FAM107B: variants seen among roughly 807,000 people sequenced by gnomAD.
FAM107B encodes the protein protein FAM107B.
In FAM107B, 21 loss-of-function variants were observed where a neutral mutation model predicts 31.5. The observed-to-expected ratio is 0.67, with a 90% CI of 0.47 to 0.96. The LOEUF (loss-of-function observed/expected upper bound fraction) is 0.96. Among genes scored for constraint, FAM107B ranks in the 40% least tolerant of loss-of-function variants. FAM107B has a pLI of 0.00. For missense variants in FAM107B, 452 were observed against 377.1 expected, an observed-to-expected ratio of 1.20 and a Z score of -1.64; for synonymous variants, 157 against 141.5, an observed-to-expected ratio of 1.11 and a Z score of -0.78.
chr10:14,566,294 G>A (rs1176978359), intron 2 of FAM107B, among the ~76,000 whole-genome samples: 1 of 152,182 alleles, frequency 6.6e-6, no homozygotes, highest in Non-Finnish European at 1.5e-5. Context: ...CTGTTCACCT[G>A]TCACCTGCTT....
At position 14,627,794 on chromosome 10, in the gene FAM107B, GAGTAGA is replaced by G. The variant is rs376982064; in HGVS notation, c.469+39834_469+39839del. ...TCTCTATAAAAAGAAAAAAAAATCA[GAGTAGA>G]AATAAGCATTTAACAGATTGGTTGA... On this transcript the variant is annotated intron_variant, in intron 2 of 4. Transcript: ENST00000181796. Among the ~76,000 whole-genome samples the G allele has an allele frequency of 7.2e-3, 1,100 of 152,134 alleles. 8 individuals are homozygous for G. Among genetic ancestry groups the G allele is most frequent in the African/African-American group, 0.026 (1,066 of 41,520 alleles).
chr10:14,526,443 T>C (rs1484867318), intron 3 of FAM107B, among the ~76,000 whole-genome samples: 1 of 152,240 alleles, frequency 6.6e-6, no homozygotes, highest in African/African-American at 2.4e-5. Flanking sequence ...CCCAGAGTGC[T>C]GGAATTACAG....
chr10:14,561,087 C>T (rs577964584), intron 2 of FAM107B, among the ~76,000 whole-genome samples: 1 of 152,208 alleles, frequency 6.6e-6, no homozygotes, highest in Non-Finnish European at 1.5e-5. Context: ...GGACACCTGG[C>T]GAGTAAATGC....
intron 1 of FAM107B, among the ~76,000 whole-genome samples, chr10:14,732,361 TG>T (rs1254643607): frequency 1.3e-5 from 2 of 152,152 alleles, no homozygotes; most frequent in Non-Finnish European, 2.9e-5. Flanking sequence ...CAGTGCCGTG[TG>T]GTGGGAAAAT....
intron 1 of FAM107B, among the ~76,000 whole-genome samples, chr10:14,715,056 C>T (rs748734628): frequency 1.3e-5 from 2 of 152,184 alleles, no homozygotes; most frequent in Non-Finnish European, 2.9e-5. Flanking sequence ...CACACAAAGT[C>T]TCCAACCCCC....
intron 1 of FAM107B, chr10:14,723,951 T>C (rs1309641377): frequency 2.7e-6 from 2 of 749,428 alleles, no homozygotes; most frequent in Non-Finnish European, 4.9e-6. Flanking sequence ...AGATGTGCTG[T>C]TCCATTTGGA....
chr10:14,718,442 G>A (rs1278841180), intron 1 of FAM107B, among the ~76,000 whole-genome samples: 1 of 145,174 alleles, frequency 6.9e-6, no homozygotes, highest in African/African-American at 2.5e-5. Context: ...AGGGAGGGAG[G>A]GAGAGAAGGA....
intron 2 of FAM107B, among the ~76,000 whole-genome samples, chr10:14,535,868 C>T (rs1218920889): frequency 6.6e-6 from 1 of 152,230 alleles, no homozygotes; most frequent in Non-Finnish European, 1.5e-5. Context: ...CTCTACTATC[C>T]CAGAGCACTG....
intron 2 of FAM107B, among the ~76,000 whole-genome samples, chr10:14,626,903 C>T (rs965562464): frequency 6.6e-6 from 1 of 152,186 alleles, no homozygotes; most frequent in Admixed American, 6.5e-5. Flanking sequence ...TATCTGCACC[C>T]ACCTGATCTG....
chr10:14,759,725 T>C (rs1405226129), intron 1 of FAM107B, among the ~76,000 whole-genome samples: 1 of 152,162 alleles, frequency 6.6e-6, no homozygotes, highest in African/African-American at 2.4e-5. Context: ...TTTTTCTTTT[T>C]TTTTAGATGG....
Position 14,764,532 on chromosome 10 carries a change from C to T in FAM107B, c.411+9721G>A, listed in dbSNP as rs145612534. ...CTAACTGCCTAAAATTTCCAACCTC[C>T]GGCCTTCCCTGGTGCAGAATTACAA... On this transcript the variant is annotated intron_variant, in intron 1 of 4. Coordinates refer to ENST00000181796, the MANE Select transcript of FAM107B (RefSeq NM_031453.4). Among the ~76,000 whole-genome samples, 96 of 152,312 alleles carry T rather than the reference C, an allele frequency of 6.3e-4. 1 individual carries two copies. The East Asian group carries it at 0.015, about 23-fold the overall frequency.
intron 1 of FAM107B, among the ~76,000 whole-genome samples, chr10:14,684,706 TTCTA>T (rs1854930655): frequency 6.6e-6 from 1 of 152,232 alleles, no homozygotes; most frequent in Non-Finnish European, 1.5e-5. Flanking sequence ...CACTTTTTTA[TTCTA>T]TCTCTTTATG....
At chr10:14,628,113 T>TTTTTTTTTG (rs1491190399) in intron 2 of FAM107B, among the ~76,000 whole-genome samples, 3 of 61,072 alleles carry the variant, frequency 4.9e-5, no homozygotes, top group African/African-American at 1.5e-4. Context: ...GTTTTGCTGG[T>TTTTTTTTTG]TTTTTTTTTT....
intron 1 of FAM107B, among the ~76,000 whole-genome samples, chr10:14,669,543 T>C (rs887607320): frequency 4.6e-5 from 7 of 152,036 alleles, no homozygotes; most frequent in Non-Finnish European, 1.5e-5. Context: ...GTGGTAAATA[T>C]ACACAATGGA....
At chr10:14,620,089 G>A (rs373809030) in intron 2 of FAM107B, among the ~76,000 whole-genome samples, 45 of 144,830 alleles carry the variant, frequency 3.1e-4, no homozygotes, top group Middle Eastern at 3.7e-3. Flanking sequence ...GCACAATCTC[G>A]GCTCACTGAA....
At chr10:14,546,504 T>C (rs759249022) in intron 2 of FAM107B, among the ~76,000 whole-genome samples, 2 of 152,252 alleles carry the variant, frequency 1.3e-5, no homozygotes, top group Non-Finnish European at 2.9e-5. Context: ...TCTGCTTCTA[T>C]AGCTGATCAC....
intron 2 of FAM107B, among the ~76,000 whole-genome samples, chr10:14,603,791 G>A (rs12184382): frequency 0.056 from 8,536 of 151,888 alleles, 280 homozygotes; most frequent in East Asian, 0.099. Flanking sequence ...CCCCGGCCCC[G>A]GCTTTGTCTG....
chr10:14,692,226 G>A (rs1250494136), intron 1 of FAM107B, among the ~76,000 whole-genome samples: 2 of 152,108 alleles, frequency 1.3e-5, no homozygotes, highest in South Asian at 2.1e-4. Context: ...GAAAGGAGAA[G>A]GGACAAGCAA....
At chr10:14,522,572 C>A (rs914328128) in intron 3 of FAM107B, among the ~76,000 whole-genome samples, 48 of 152,158 alleles carry the variant, frequency 3.2e-4, no homozygotes, top group African/African-American at 1.1e-3. Flanking sequence ...TGCACCACCA[C>A]GCCCGGCTAA....
Sources: allele counts gnomAD v4.1 joint callset (sites outside exome capture counted in the v4.1 genomes callset), GRCh38; gene constraint gnomAD v4.1.1; transcripts MANE v1.5; gene names NCBI Gene and HGNC (gene_info 2026-07-23, HGNC 2026-07-21).